The following SLC8A3 variants were observed in gnomAD, a reference collection of about 807,000 sequenced individuals.
SLC8A3 encodes sodium/calcium exchanger 3.
A neutral mutation model predicts 65.4 loss-of-function variants in SLC8A3; 37 were observed. The ratio of observed to expected loss-of-function variants is 0.57; its 90% confidence interval spans 0.44 to 0.74. The LOEUF is 0.74. SLC8A3 is among the 30% of genes least tolerant of loss of function. SLC8A3 has a pLI of 0.00. For missense variants in SLC8A3, 1,112 were observed against 1,172.1 expected (o/e 0.95, Z 0.75); for synonymous variants, 461 against 444.5 (o/e 1.04, Z -0.47).
intron 2 of SLC8A3, among the ~76,000 whole-genome samples, chr14:70,084,205 C>T (rs996397877): frequency 2.6e-5 from 4 of 152,162 alleles, no homozygotes; most frequent in Non-Finnish European, 5.9e-5. Flanking sequence ...TTAAGGGGTC[C>T]TGCATAACAT....
At chr14:70,161,422 A>C (rs1485219594) in intron 2 of SLC8A3, among the ~76,000 whole-genome samples, 1 of 151,892 alleles carries the variant, frequency 6.6e-6, no homozygotes, top group African/African-American at 2.4e-5. Flanking sequence ...ATCCCCATTC[A>C]ACAACTGGCT....
chr14:70,071,617 A>G (rs1890023894), intron 2 of SLC8A3, among the ~76,000 whole-genome samples: 1 of 152,178 alleles, frequency 6.6e-6, no homozygotes, highest in Non-Finnish European at 1.5e-5. Context: ...ATATGTCCTC[A>G]GAGCCTCCAG....
intron 2 of SLC8A3, among the ~76,000 whole-genome samples, chr14:70,146,193 G>T (rs138214321): frequency 1.1e-3 from 168 of 152,280 alleles, no homozygotes; most frequent in African/African-American, 2.6e-3. Context: ...CCAGCATTCG[G>T]CTGAATAAAA....
chr14:70,067,407 C>G (rs1342682947), intron 2 of SLC8A3, among the ~76,000 whole-genome samples: 2 of 152,126 alleles, frequency 1.3e-5, no homozygotes, highest in Non-Finnish European at 2.9e-5. Flanking sequence ...TCCAGTATCT[C>G]CAGGCAGTCT....
In SLC8A3 at chr14:70,082,620, G is replaced by A. The variant is rs539948900; in HGVS notation, c.1785-21681C>T. Among the ~76,000 whole-genome samples, 14 of 152,230 alleles carry A rather than the reference G, an allele frequency of 9.2e-5. No individual in the cohort carries two copies. In the South Asian group the frequency reaches 1.7e-3, roughly 18 times the overall value. On this transcript the variant is annotated intron_variant, in intron 2 of 6. Coordinates refer to ENST00000356921, the MANE Select transcript of SLC8A3 (RefSeq NM_182932.3). ...CTCATTTCTAGTTTGTAGCTACCAC[G>A]TGGCACCCAGCACATACAACTTCTG...
chr14:70,090,741 C>T (rs575844108), intron 2 of SLC8A3, among the ~76,000 whole-genome samples: 4 of 152,204 alleles, frequency 2.6e-5, no homozygotes, highest in South Asian at 4.1e-4. Flanking sequence ...GCAGATCTGC[C>T]ATGAAATGTG....
chr14:70,111,164 C>T (rs796501819), intron 2 of SLC8A3, among the ~76,000 whole-genome samples: 9 of 152,314 alleles, frequency 5.9e-5, no homozygotes, highest in African/African-American at 1.7e-4. Flanking sequence ...TTCACACCCT[C>T]GTCAGCATTC....
At chr14:70,086,837 A>T (rs970673147) in intron 2 of SLC8A3, among the ~76,000 whole-genome samples, 1 of 152,222 alleles carries the variant, frequency 6.6e-6, no homozygotes, top group Non-Finnish European at 1.5e-5. Context: ...CTAAGACCAG[A>T]CATGCCAAGC....
At chr14:70,132,150 G>T (rs1195006409) in intron 2 of SLC8A3, among the ~76,000 whole-genome samples, 1 of 152,198 alleles carries the variant, frequency 6.6e-6, no homozygotes, top group Non-Finnish European at 1.5e-5. Flanking sequence ...AAAGATGAAA[G>T]AACTAGCTTG....
intron 1 of SLC8A3, among the ~76,000 whole-genome samples, chr14:70,185,137 T>C (rs764606938): frequency 3.9e-5 from 6 of 152,082 alleles, no homozygotes; most frequent in Non-Finnish European, 8.8e-5. Context: ...CAGCTAATTT[T>C]TGTATTTTTA....
chr14:70,130,334 G>T (rs969688432), intron 2 of SLC8A3, among the ~76,000 whole-genome samples: 1 of 152,210 alleles, frequency 6.6e-6, no homozygotes, highest in Admixed American at 6.5e-5. Context: ...CCCCTATAAA[G>T]GTGTAACAAT....
chr14:70,086,558 C>T (rs1367719124), intron 2 of SLC8A3, among the ~76,000 whole-genome samples: 1 of 152,008 alleles, frequency 6.6e-6, no homozygotes, highest in East Asian at 1.9e-4. Context: ...CCCGCCACCA[C>T]ACTCGGCTAT....
At chr14:70,119,130 G>A (rs1893862875) in intron 2 of SLC8A3, among the ~76,000 whole-genome samples, 1 of 152,062 alleles carries the variant, frequency 6.6e-6, no homozygotes, top group African/African-American at 2.4e-5. Flanking sequence ...GGAATGGTGT[G>A]TTTCCATGTG....
chr14:70,089,578 T>C (rs1891677660), intron 2 of SLC8A3, among the ~76,000 whole-genome samples: 1 of 152,116 alleles, frequency 6.6e-6, no homozygotes. Context: ...CACTTTCAAG[T>C]TGGGCATGCT....
chr14:70,174,662 G>GTTTGTTT (rs1566833477), intron 1 of SLC8A3, among the ~76,000 whole-genome samples: 2 of 66,516 alleles, frequency 3.0e-5, no homozygotes, highest in African/African-American at 1.0e-4. Context: ...TTTTTTTTTT[G>GTTTGTTT]TTTTTTTTTT....
At chr14:70,129,032 C>T (rs1894660304) in intron 2 of SLC8A3, among the ~76,000 whole-genome samples, 1 of 152,118 alleles carries the variant, frequency 6.6e-6, no homozygotes, top group South Asian at 2.1e-4. Flanking sequence ...GGGTCTAAAT[C>T]CCAACACATA....
At position 70,046,276 on chromosome 14, in the gene SLC8A3, C is replaced by T. The variant is rs748862651; in HGVS notation, c.2437G>A (p.Ala813Thr). The part of the protein sequence containing the change: ...AAALQDVYAD[A>T]SIGNVTGSNA... Reference sequence around the variant, plus strand: ...CTGCCCGTCACGTTGCCAATGGAGGCGTCTGCATATACATCCTGGAGGGCA... The same window carrying T: ...CTGCCCGTCACGTTGCCAATGGAGGTGTCTGCATATACATCCTGGAGGGCA... Residue 813 changes from alanine to threonine, a missense_variant, in exon 7 of 7, where the codon GCC (alanine) becomes ACC (threonine). Transcript: ENST00000356921. This position sits in a 1 kb window ranked among gnomAD's most constrained non-coding sequence, Gnocchi z 4.2. 7 of 1,613,798 alleles carry T rather than the reference C, an allele frequency of 4.3e-6. No individual in the cohort carries two copies. The highest frequency in any genetic ancestry group is 1.3e-5 in the African/African-American group (1 of 74,926).
intron 1 of SLC8A3, among the ~76,000 whole-genome samples, chr14:70,174,291 A>C (rs1451374471): frequency 1.3e-5 from 2 of 152,228 alleles, no homozygotes; most frequent in African/African-American, 4.8e-5. Context: ...CCTGGATTTG[A>C]AAATGGACAA....
At chr14:70,138,841 G>A (rs1383319254) in intron 2 of SLC8A3, among the ~76,000 whole-genome samples, 1 of 152,166 alleles carries the variant, frequency 6.6e-6, no homozygotes, top group Non-Finnish European at 1.5e-5. Flanking sequence ...TACTATGTGT[G>A]GACAAACAAA....
Sources: gnomAD v4.1 joint callset for allele counts (sites outside exome capture counted in the v4.1 genomes callset) on GRCh38, gnomAD v4.1.1 for gene constraint, Gnocchi (gnomAD v3.1) non-coding constraint, MANE v1.5 for transcripts, NCBI Gene and HGNC (gene_info 2026-07-23, HGNC 2026-07-21) for gene names.